FRMD4A: variants seen among roughly 807,000 people sequenced by gnomAD.
FRMD4A encodes FERM domain containing 4A, also known as FERM domain-containing protein 4A.
A neutral mutation model predicts 129.1 loss-of-function variants in FRMD4A; 29 were observed. The observed-to-expected ratio is 0.22, with a 90% CI of 0.17 to 0.31. The LOEUF is 0.31. Among genes scored for constraint, FRMD4A ranks in the 10% least tolerant of loss-of-function variants. The probability of loss-of-function intolerance (pLI) is 1.00; values close to 1 mark genes in which losing one functional copy is unlikely to be tolerated. For missense variants in FRMD4A, 1,272 were observed against 1,375.8 expected (o/e 0.92, Z 1.19); for synonymous variants, 634 against 571.6 (o/e 1.11, Z -1.56).
intron 12 of FRMD4A, among the ~76,000 whole-genome samples, chr10:13,736,457 G>C (rs896814856): frequency 6.6e-6 from 1 of 152,204 alleles, no homozygotes; most frequent in African/African-American, 2.4e-5. Flanking sequence ...AAAGAGCCAG[G>C]TTCTTCCTGA....
intron 2 of FRMD4A, among the ~76,000 whole-genome samples, chr10:14,079,609 T>A (rs768021884): frequency 6.6e-6 from 1 of 152,212 alleles, no homozygotes; most frequent in Non-Finnish European, 1.5e-5. Context: ...ACATTTACCA[T>A]GGCTAGAGAG....
At chr10:14,041,446 AT>A (rs1235220574) in intron 2 of FRMD4A, among the ~76,000 whole-genome samples, 4 of 152,138 alleles carry the variant, frequency 2.6e-5, no homozygotes, top group African/African-American at 4.8e-5. Context: ...AATTAGTTTC[AT>A]TTTCTGCCAC....
At chr10:14,208,299 G>A (rs953565827) in intron 2 of FRMD4A, among the ~76,000 whole-genome samples, 1 of 152,176 alleles carries the variant, frequency 6.6e-6, no homozygotes. Context: ...GGATGTAACT[G>A]CTGAGGGATA....
chr10:14,155,809 C>T (rs745812367), intron 2 of FRMD4A, among the ~76,000 whole-genome samples: 1 of 152,128 alleles, frequency 6.6e-6, no homozygotes, highest in Non-Finnish European at 1.5e-5. Context: ...TTTCAGAACG[C>T]AATAAAACAA....
chr10:13,776,838 C>T (rs983394928), intron 6 of FRMD4A, among the ~76,000 whole-genome samples: 1 of 152,196 alleles, frequency 6.6e-6, no homozygotes, highest in Non-Finnish European at 1.5e-5. Flanking sequence ...TAACACTACC[C>T]TCTGGGCTCT....
chr10:13,853,867 G>A (rs542511657), intron 3 of FRMD4A, among the ~76,000 whole-genome samples: 6 of 151,676 alleles, frequency 4.0e-5, no homozygotes, highest in African/African-American at 1.5e-4. Context: ...AAAAAGTGGG[G>A]ATGGGGAAGA....
At chr10:14,048,581 G>A (rs1335005668) in intron 2 of FRMD4A, among the ~76,000 whole-genome samples, 8 of 152,040 alleles carry the variant, frequency 5.3e-5, no homozygotes, top group African/African-American at 7.2e-5. Flanking sequence ...GAAGGCAGGC[G>A]GATCACTTGA....
chr10:14,026,680 T>A (rs1273762462), intron 2 of FRMD4A, among the ~76,000 whole-genome samples: 2 of 152,248 alleles, frequency 1.3e-5, no homozygotes, highest in African/African-American at 4.8e-5. Flanking sequence ...ATTGATTCAA[T>A]AACCAGCTGC....
intron 2 of FRMD4A, among the ~76,000 whole-genome samples, chr10:13,888,655 A>G (rs1178288242): frequency 6.6e-6 from 1 of 152,232 alleles, no homozygotes; most frequent in African/African-American, 2.4e-5. Context: ...TAAGATGCTG[A>G]GATTTTGCAC....
chr10:13,928,732 T>C (rs1358585), intron 2 of FRMD4A, among the ~76,000 whole-genome samples: 151,034 of 152,270 alleles, frequency 0.99, 74,916 homozygotes, highest in Middle Eastern at 1. Flanking sequence ...CTGCTGAAAG[T>C]CATGCCCCAT....
chr10:14,171,502 T>G (rs75491439), intron 2 of FRMD4A, among the ~76,000 whole-genome samples: 2,005 of 152,322 alleles, frequency 0.013, 15 homozygotes, highest in South Asian at 0.021. Flanking sequence ...ATGTCAAGTG[T>G]GGCCGCCCAC....
intron 2 of FRMD4A, among the ~76,000 whole-genome samples, chr10:14,182,523 G>A (rs948005271): frequency 6.6e-6 from 1 of 152,192 alleles, no homozygotes; most frequent in Non-Finnish European, 1.5e-5. Context: ...CTCCAGCCTG[G>A]ACAACAGAGC....
intron 12 of FRMD4A, 93 bp from the exon 13 acceptor site, chr10:13,707,206 T>C (rs2087548441): frequency 3.4e-6 from 3 of 887,730 alleles, no homozygotes; most frequent in Non-Finnish European, 5.5e-6. Context: ...CAGCTGGCAG[T>C]TTCCTTATCA....
chr10:13,981,768 G>A (rs1361032812), intron 2 of FRMD4A, among the ~76,000 whole-genome samples: 5 of 149,050 alleles, frequency 3.4e-5, no homozygotes, highest in Non-Finnish European at 7.4e-5. Flanking sequence ...AAAAAAAAAG[G>A]GAGGCCAAAG....
chr10:14,013,791 T>A (rs1333616877), intron 2 of FRMD4A, among the ~76,000 whole-genome samples: 1 of 151,732 alleles, frequency 6.6e-6, no homozygotes, highest in Non-Finnish European at 1.5e-5. Flanking sequence ...ATTAGCCAGG[T>A]GTGGTGGTGC....
chr10:13,971,052 T>C (rs918170354), intron 2 of FRMD4A, among the ~76,000 whole-genome samples: 3 of 152,118 alleles, frequency 2.0e-5, no homozygotes, highest in Non-Finnish European at 4.4e-5. Flanking sequence ...CTTACCAGCT[T>C]GTCACCACCC....
chr10:14,179,625 T>C (rs1841846079), intron 2 of FRMD4A, among the ~76,000 whole-genome samples: 1 of 152,258 alleles, frequency 6.6e-6, no homozygotes, highest in Admixed American at 6.5e-5. Context: ...TATTAAGTGC[T>C]TAAATTTATT....
intron 3 of FRMD4A, among the ~76,000 whole-genome samples, chr10:13,854,630 C>T (rs917057700): frequency 1.3e-5 from 2 of 149,502 alleles, no homozygotes; most frequent in African/African-American, 4.9e-5. Flanking sequence ...CAGGGTTTCA[C>T]CATGTTGGCC....
At chr10:13,649,846 G>A (rs2081403403) in intron 24 of FRMD4A, among the ~76,000 whole-genome samples, 1 of 152,168 alleles carries the variant, frequency 6.6e-6, no homozygotes, top group African/African-American at 2.4e-5. Flanking sequence ...TACAAATGGG[G>A]CCACTAAATA....
Sources: gnomAD v4.1 joint callset for allele counts (sites outside exome capture counted in the v4.1 genomes callset) on GRCh38, gnomAD v4.1.1 for gene constraint, MANE v1.5 for transcripts, NCBI Gene and HGNC (gene_info 2026-07-23, HGNC 2026-07-21) for gene names.